The following ADGB variants were observed in gnomAD, a reference collection of about 807,000 sequenced individuals.
The protein encoded by ADGB is calpain-7-like protein.
ADGB carries 172 observed loss-of-function variants against 210.5 expected under a neutral mutation model. The ratio of observed to expected loss-of-function variants is 0.82; its 90% CI spans 0.72 to 0.93. The LOEUF (loss-of-function observed/expected upper bound fraction) is 0.93, where lower values mean the gene tolerates loss of function less well. Among genes scored for constraint, ADGB ranks in the 40% least tolerant of loss-of-function variants. The pLI, the probability that ADGB is intolerant of heterozygous loss-of-function variation, is 0.00. For synonymous variants in ADGB, 658 were observed against 662.7 expected, an observed-to-expected ratio of 0.99 and a Z score of 0.11; for missense variants, 2,025 against 1,964.8, an observed-to-expected ratio of 1.03 and a Z score of -0.58.
chr6:146,798,757 A>G (rs1376189590), intron 33 of ADGB, among the ~76,000 whole-genome samples: 1 of 152,142 alleles, frequency 6.6e-6, no homozygotes, highest in Non-Finnish European at 1.5e-5. Flanking sequence ...TTATTTCTAC[A>G]TATTGATGAA....
intron 1 of ADGB, among the ~76,000 whole-genome samples, chr6:146,613,621 C>T (rs547279464): frequency 1.3e-5 from 2 of 152,248 alleles, no homozygotes; most frequent in Admixed American, 6.5e-5. Flanking sequence ...TATATGAGTG[C>T]ATCAGTATGT....
At chr6:146,708,975 C>T (rs1053443261) in intron 13 of ADGB, among the ~76,000 whole-genome samples, 1 of 151,986 alleles carries the variant, frequency 6.6e-6, no homozygotes, top group Non-Finnish European at 1.5e-5. Flanking sequence ...TGCTTGTCTG[C>T]TTGATTGATT....
At position 146,716,805 on chromosome 6, in the gene ADGB, T is replaced by A. The variant is rs907342547; in HGVS notation, c.1742-78T>A. ...CCAAAAATAGACTTTGATATTTAAG[T>A]TTCCCTTTATCATTTTACATATTTC... On this transcript the variant is annotated intron_variant, in intron 14 of 35. Coordinates refer to ENST00000397944, the MANE Select transcript of ADGB (RefSeq NM_024694.4). The A allele has an allele frequency of 3.4e-4, 452 of 1,339,322 alleles. 1 individual carries two copies. Among genetic ancestry groups the A allele is most frequent in the Non-Finnish European group, 2.1e-4 (211 of 1,001,624 alleles). The allele number at this position is 1,339,322 out of a possible 1,614,324, so 83.0% of individuals were successfully genotyped here. A position where few individuals can be genotyped will look rare whatever the true frequency, so the allele number is the denominator to read the frequency against.
At chr6:146,740,637 C>T in intron 24 of ADGB, 44 bp downstream of exon 24, 1 of 1,526,594 alleles carries the variant, frequency 6.6e-7, no homozygotes. Context: ...AAATGGCTTG[C>T]AATATCTGTA....
intron 2 of ADGB, among the ~76,000 whole-genome samples, chr6:146,644,466 C>A (rs568898546): frequency 2.6e-5 from 4 of 151,958 alleles, no homozygotes; most frequent in Admixed American, 1.3e-4. Flanking sequence ...TGCTTTCCTG[C>A]CGTATCTAAT....
intron 29 of ADGB, among the ~76,000 whole-genome samples, chr6:146,780,859 A>G (rs1012330118): frequency 5.9e-5 from 9 of 152,144 alleles, no homozygotes; most frequent in Non-Finnish European, 1.3e-4. Context: ...TAACATACCT[A>G]TAGAATACTC....
chr6:146,748,411 C>A (rs1777272579), intron 26 of ADGB, among the ~76,000 whole-genome samples: 1 of 152,136 alleles, frequency 6.6e-6, no homozygotes, highest in Non-Finnish European at 1.5e-5. Flanking sequence ...AGTGTGAGAT[C>A]AAAGTGTCAG....
At chr6:146,708,010 C>A (rs1208573325) in intron 13 of ADGB, among the ~76,000 whole-genome samples, 4 of 151,948 alleles carry the variant, frequency 2.6e-5, no homozygotes, top group African/African-American at 9.7e-5. Context: ...TTTATGAATA[C>A]CATGAGGCTT....
At chr6:146,749,844 G>A (rs1777293293) in intron 26 of ADGB, among the ~76,000 whole-genome samples, 1 of 151,846 alleles carries the variant, frequency 6.6e-6, no homozygotes, top group Non-Finnish European at 1.5e-5. Context: ...GAGAGAGAAG[G>A]GGGAAGTGCT....
chr6:146,776,495 A>T (rs191879350), intron 29 of ADGB, among the ~76,000 whole-genome samples: 238 of 152,302 alleles, frequency 1.6e-3, no homozygotes, highest in African/African-American at 5.0e-3. Context: ...TACGCCATTA[A>T]AAATTTTGGA....
intron 16 of ADGB, among the ~76,000 whole-genome samples, chr6:146,721,091 C>T (rs529792358): frequency 5.3e-5 from 8 of 152,268 alleles, no homozygotes; most frequent in South Asian, 2.1e-4. Flanking sequence ...GCCCTGGGCT[C>T]GGCCTCTTCT....
chr6:146,676,166 G>A, intron 8 of ADGB, 147 bp from the exon 9 acceptor site: 1 of 643,000 alleles, frequency 1.6e-6, no homozygotes, highest in East Asian at 3.1e-5. Flanking sequence ...TAATTAGAGG[G>A]GATCATGTTT....
intron 35 of ADGB, among the ~76,000 whole-genome samples, chr6:146,811,481 A>T (rs545011351): frequency 6.6e-6 from 1 of 152,044 alleles, no homozygotes; most frequent in African/African-American, 2.4e-5. Context: ...TAGTGTGTGT[A>T]AATATATTCA....
chr6:146,728,740 G>A lies in ADGB; in HGVS notation c.2519G>A (p.Arg840Lys). ...HDKELTAQHF[R>K]VFHLSLWRLM... Reference sequence around the variant, plus strand: ...AAAGAACTAACTGCACAGCACTTCAGGGTAAGCTTGTTTGGGATACAATGT... The same window carrying A: ...AAAGAACTAACTGCACAGCACTTCAAGGTAAGCTTGTTTGGGATACAATGT... The change falls in exon 20 of 36, where the codon AGG becomes AAG. Residue 840 changes from arginine to lysine, a missense_variant and splice_region_variant. Physicochemically the swap from Arg to Lys is conservative, Grantham distance 26. Transcript: ENST00000397944. 6.5e-7 allele frequency: 1 copy of A among 1,536,532 alleles called. No individual in the cohort carries two copies. The highest frequency in any genetic ancestry group is 8.8e-7 in the Non-Finnish European group (1 of 1,137,106).
intron 9 of ADGB, among the ~76,000 whole-genome samples, chr6:146,685,310 G>A (rs1293717872): frequency 1.3e-5 from 2 of 151,834 alleles, no homozygotes; most frequent in African/African-American, 4.8e-5. Context: ...TTTTTGAAAT[G>A]ACAAAATGAC....
chr6:146,626,054 A>T (rs1185692443), intron 1 of ADGB, among the ~76,000 whole-genome samples: 1 of 151,828 alleles, frequency 6.6e-6, no homozygotes, highest in Non-Finnish European at 1.5e-5. Context: ...CTTATCTCCT[A>T]TATTGGCTTT....
chr6:146,784,724 C>T lies in ADGB; in HGVS notation c.4142C>T (p.Thr1381Ile). The T allele has an allele frequency of 4.5e-6, 7 of 1,550,914 alleles. No homozygotes were observed. Among genetic ancestry groups the T allele is most frequent in the Non-Finnish European group, 5.2e-6 (6 of 1,146,640 alleles). ...GAATTATTTGAAGTGAAAAAGGATA[C>T]AGAAAGGGCAGATGAAATCCGAGCC... ...ESELFEVKKD[T>I]ERADEIRAMK... is the part of the protein sequence containing the mutation. The change falls in exon 31 of 36, where the codon ACA becomes ATA. Residue 1381 changes from threonine to isoleucine, a missense_variant. Physicochemically the swap from Thr to Ile is moderately conservative, Grantham distance 89 (BLOSUM62 -1). Coordinates refer to ENST00000397944, the MANE Select transcript of ADGB (RefSeq NM_024694.4).
intron 13 of ADGB, among the ~76,000 whole-genome samples, chr6:146,708,581 G>A (rs1462484742): frequency 2.0e-5 from 3 of 151,992 alleles, no homozygotes; most frequent in South Asian, 2.1e-4. Flanking sequence ...GAAATTTGCT[G>A]AGAAATTATA....
At chr6:146,666,964 A>G in intron 7 of ADGB, 62 bp downstream of exon 7, 1 of 1,322,560 alleles carries the variant, frequency 7.6e-7, no homozygotes, top group Non-Finnish European at 1.0e-6. Context: ...TTTCTTTAAA[A>G]TATTCCTAGC....
Sources: allele counts gnomAD v4.1 joint callset (sites outside exome capture counted in the v4.1 genomes callset), GRCh38; gene constraint gnomAD v4.1.1; transcripts MANE v1.5; gene names NCBI Gene and HGNC (gene_info 2026-07-23, HGNC 2026-07-21).